TM9SF3: variants seen among roughly 807,000 people sequenced by gnomAD.
TM9SF3 encodes SM-11044-binding protein.
In TM9SF3, 14 loss-of-function variants were observed where a neutral mutation model predicts 78.6. The ratio of observed to expected loss-of-function variants is 0.18; its 90% CI spans 0.12 to 0.28. The LOEUF is 0.28. Ranked by LOEUF, TM9SF3 falls within the 10% of genes least tolerant of loss-of-function variation. The pLI is 1.00. For missense variants in TM9SF3, 496 were observed against 721.9 expected (o/e 0.69, Z 3.59); for synonymous variants, 231 against 241.7 (o/e 0.96, Z 0.41).
At chr10:96,560,213 G>GC in intron 4 of TM9SF3, 4 of 1,007,370 alleles carry the variant, frequency 4.0e-6, no homozygotes, top group Non-Finnish European at 6.2e-6. Context: ...ATGGACATGA[G>GC]CCCCCTGAGG....
At chr10:96,535,617 C>A (rs1847949063) in intron 9 of TM9SF3, among the ~76,000 whole-genome samples, 1 of 152,032 alleles carries the variant, frequency 6.6e-6, no homozygotes, top group Admixed American at 6.6e-5. Context: ...TGGTGAAAAC[C>A]CTGGAACTCA....
Position 96,551,414 on chromosome 10 carries a change from A to G in TM9SF3, c.793-3T>C, listed in dbSNP as rs1250746695. 7 of 1,569,380 alleles carry G rather than the reference A, an allele frequency of 4.5e-6. No individual in the cohort carries two copies. In the Admixed American group the frequency reaches 5.6e-5, roughly 13 times the overall value. ...TATTCATCTCCTAGGTCTCTATCCT[A>G]TATACAAATATATATATAGAGAGAG... On this transcript the variant is annotated splice_region_variant and splice_polypyrimidine_tract_variant and intron_variant, in intron 6 of 14. Coordinates refer to ENST00000371142, the MANE Select transcript of TM9SF3 (RefSeq NM_020123.4).
In TM9SF3 at chr10:96,561,992, G is replaced by C; in HGVS notation, c.568C>G (p.Gln190Glu). The C allele has an allele frequency of 6.2e-7, 1 of 1,610,922 alleles. No individual in the cohort carries two copies. The highest frequency in any genetic ancestry group is 1.7e-5 in the Admixed American group (1 of 59,092). ...KVKLVPNTKI[Q>E]MSYSVKWKKS... Reference sequence around the variant, plus strand: ...TGAATACTTACTGAATATGACATCTGGATTTTAGTATTTGGAACCAGTTTC... The same window carrying C: ...TGAATACTTACTGAATATGACATCTCGATTTTAGTATTTGGAACCAGTTTC... The change falls in exon 4 of 15, where the codon CAG (glutamine) becomes GAG (glutamate). Residue 190 changes from glutamine (Q) to glutamate (E), a missense_variant. Transcript: ENST00000371142.
intron 2 of TM9SF3, among the ~76,000 whole-genome samples, chr10:96,567,756 CT>C (rs1252667455): frequency 7.2e-5 from 11 of 152,178 alleles, no homozygotes; most frequent in African/African-American, 2.7e-4. Context: ...TGATTATATC[CT>C]TTTTATCTCC....
At chr10:96,564,247 G>A (rs549475412) in intron 3 of TM9SF3, among the ~76,000 whole-genome samples, 31 of 152,056 alleles carry the variant, frequency 2.0e-4, no homozygotes, top group Non-Finnish European at 3.5e-4. Context: ...AGCTATCATG[G>A]CATCACTGCA....
intron 2 of TM9SF3, among the ~76,000 whole-genome samples, chr10:96,571,462 T>G (rs987723811): frequency 2.0e-5 from 3 of 152,174 alleles, no homozygotes; most frequent in African/African-American, 7.2e-5. Flanking sequence ...GGGGATTACC[T>G]GAAGTAAACA....
At chr10:96,532,915 A>G in intron 10 of TM9SF3, 136 bp downstream of exon 10, 1 of 1,083,454 alleles carries the variant, frequency 9.2e-7, no homozygotes, top group Admixed American at 2.5e-5. Flanking sequence ...GAAATAGTAA[A>G]ATGAACTTCT....
At chr10:96,556,438 A>C (rs1311307701) in intron 5 of TM9SF3, among the ~76,000 whole-genome samples, 1 of 152,220 alleles carries the variant, frequency 6.6e-6, no homozygotes, top group Non-Finnish European at 1.5e-5. Flanking sequence ...GGTCATAGTA[A>C]GCGGCAAAGC....
At chr10:96,550,592 T>C (rs966936958) in intron 7 of TM9SF3, among the ~76,000 whole-genome samples, 1 of 152,188 alleles carries the variant, frequency 6.6e-6, no homozygotes, top group Non-Finnish European at 1.5e-5. Context: ...GTGGCTTTCT[T>C]GAGCACTGAA....
At chr10:96,537,770 A>C (rs1847977523) in intron 9 of TM9SF3, among the ~76,000 whole-genome samples, 2 of 152,170 alleles carry the variant, frequency 1.3e-5, no homozygotes, top group South Asian at 4.1e-4. Context: ...AGATGGAGGA[A>C]CAGAAATTTA....
chr10:96,564,655 C>T (rs992663525), intron 3 of TM9SF3, among the ~76,000 whole-genome samples: 1 of 152,124 alleles, frequency 6.6e-6, no homozygotes, highest in Admixed American at 6.5e-5. Context: ...ATTCATTATA[C>T]ATAACAGCAG....
chr10:96,537,149 C>T (rs1273771437), intron 9 of TM9SF3, among the ~76,000 whole-genome samples: 1 of 152,200 alleles, frequency 6.6e-6, no homozygotes, highest in Non-Finnish European at 1.5e-5. Context: ...GCACCCCAAA[C>T]CTCATATTGT....
At position 96,544,132 on chromosome 10, in the gene TM9SF3, TGAA is replaced by T; in HGVS notation, c.1126_1128del (p.Phe376del). On this transcript the variant is annotated inframe_deletion, in exon 9 of 15. Transcript: ENST00000371142. ...TGGTAATAAATGGCTATGAAATTGA[TGAA>T]GAAGGCAGTGCCACACACCATAGCT... The T allele has an allele frequency of 6.2e-7, 1 of 1,613,526 alleles. No individual in the cohort carries two copies. Among genetic ancestry groups the T allele is most frequent in the African/African-American group, 1.3e-5 (1 of 75,034 alleles).
At chr10:96,580,367 G>A (rs1203650981) in intron 1 of TM9SF3, among the ~76,000 whole-genome samples, 7 of 152,028 alleles carry the variant, frequency 4.6e-5, no homozygotes, top group South Asian at 2.1e-4. Flanking sequence ...CCAGGTTCAC[G>A]CCATTCTCCC....
intron 1 of TM9SF3, among the ~76,000 whole-genome samples, chr10:96,584,594 G>A (rs1848609193): frequency 6.6e-6 from 1 of 152,162 alleles, no homozygotes. Flanking sequence ...GATCACTTGA[G>A]GCCAGTCGTT....
Position 96,565,534 on chromosome 10 carries a change from T to C in TM9SF3, c.299-108A>G, listed in dbSNP as rs756056562. 395 of 1,267,726 alleles carry C rather than the reference T, an allele frequency of 3.1e-4. 2 individuals are homozygous for C. Among genetic ancestry groups the C allele is most frequent in the Non-Finnish European group, 3.4e-4 (322 of 939,840 alleles). 78.5% of individuals were successfully genotyped at this position (1,267,726 alleles called of 1,614,324 possible). On this transcript the variant is annotated intron_variant, in intron 2 of 14. Coordinates refer to ENST00000371142, the MANE Select transcript of TM9SF3 (RefSeq NM_020123.4). ...ACATTTCCTACAGTTAAAATTTCTA[T>C]TCACAATAGCTGAATCTGAGTGATA...
rs898953271 is a variant in TM9SF3, at chr10:96,518,928, T to C, written c.*3335A>G. 2.0e-5 allele frequency: 3 copies of C among 152,020 alleles called. No homozygotes were observed. Among genetic ancestry groups the C allele is most frequent in the African/African-American group, 7.2e-5 (3 of 41,428 alleles). 9.4% of individuals were successfully genotyped at this position (152,020 alleles called of 1,614,324 possible). ...TGTTTTAATACATCACTACTCCTATTTATTACATGTTCCAATAAACCAATA... is the reference window on the plus strand; with the variant it reads ...TGTTTTAATACATCACTACTCCTATCTATTACATGTTCCAATAAACCAATA... On this transcript the variant is annotated 3_prime_UTR_variant, in exon 15 of 15. Coordinates refer to ENST00000371142, the MANE Select transcript of TM9SF3 (RefSeq NM_020123.4).
chr10:96,527,605 C>A, intron 12 of TM9SF3, 109 bp from the exon 13 acceptor site: 1 of 850,042 alleles, frequency 1.2e-6, no homozygotes, highest in Non-Finnish European at 1.8e-6. Flanking sequence ...TCCTTTAAAA[C>A]TTATTTAAAA....
intron 2 of TM9SF3, among the ~76,000 whole-genome samples, chr10:96,571,423 A>T (rs1848435358): frequency 2.0e-5 from 3 of 152,208 alleles, no homozygotes; most frequent in Admixed American, 2.0e-4. Flanking sequence ...CAGCAGGAAT[A>T]GCAGAAGCTA....
Sources: gnomAD v4.1 joint callset for allele counts (sites outside exome capture counted in the v4.1 genomes callset) on GRCh38, gnomAD v4.1.1 for gene constraint, MANE v1.5 for transcripts, NCBI Gene and HGNC (gene_info 2026-07-23, HGNC 2026-07-21) for gene names.